LOC128462377: variants seen among roughly 807,000 people sequenced by gnomAD.
the LOC128462377 span, among the ~76,000 whole-genome samples, chr16:89,331,150 C>T: frequency 2.6e-5 from 4 of 152,144 alleles, no homozygotes; most frequent in South Asian, 2.1e-4. Flanking sequence ...GATGGGGTTT[C>T]GCCATGTTGG....
At chr16:89,393,546 G>C in the LOC128462377 span, among the ~76,000 whole-genome samples, 2 of 127,536 alleles carry the variant, frequency 1.6e-5, no homozygotes, top group Non-Finnish European at 3.2e-5. Context: ...TCACCATGTT[G>C]CCCAGGCTGG....
At chr16:89,354,866 G>C in the LOC128462377 span, among the ~76,000 whole-genome samples, 5 of 152,144 alleles carry the variant, frequency 3.3e-5, no homozygotes, top group African/African-American at 1.2e-4. Context: ...CAGCCTGGGA[G>C]ACAGAGTGAG....
chr16:89,335,088 C>T, the LOC128462377 span, among the ~76,000 whole-genome samples: 1 of 152,212 alleles, frequency 6.6e-6, no homozygotes, highest in Non-Finnish European at 1.5e-5. Flanking sequence ...ACGACTAACA[C>T]TGATTGCTGA....
At chr16:89,317,282 G>C in the LOC128462377 span, among the ~76,000 whole-genome samples, 2 of 152,232 alleles carry the variant, frequency 1.3e-5, no homozygotes, top group Non-Finnish European at 2.9e-5. Context: ...TGGCAGCTTT[G>C]AGCAGGAAGG....
At chr16:89,415,090 C>T in the LOC128462377 span, among the ~76,000 whole-genome samples, 1 of 151,858 alleles carries the variant, frequency 6.6e-6, no homozygotes, top group Non-Finnish European at 1.5e-5. Flanking sequence ...GCTGAGACCA[C>T]AGGCGCATGC....
the LOC128462377 span, among the ~76,000 whole-genome samples, chr16:89,347,233 T>C: frequency 6.6e-6 from 1 of 152,270 alleles, no homozygotes; most frequent in East Asian, 1.9e-4. Flanking sequence ...TCTGGCAGTG[T>C]AGCCTTGACA....
At chr16:89,405,629 C>G in the LOC128462377 span, among the ~76,000 whole-genome samples, 3 of 152,002 alleles carry the variant, frequency 2.0e-5, no homozygotes, top group African/African-American at 4.8e-5. Context: ...CCGCCATGCC[C>G]GGCTTTCTAG....
chr16:89,409,368 G>C, the LOC128462377 span, among the ~76,000 whole-genome samples: 7 of 152,332 alleles, frequency 4.6e-5, no homozygotes, highest in African/African-American at 1.2e-4. Flanking sequence ...AACAGGGGTG[G>C]GGTGGGAAGG....
At chr16:89,364,181 G>A in the LOC128462377 span, among the ~76,000 whole-genome samples, 7 of 152,176 alleles carry the variant, frequency 4.6e-5, no homozygotes, top group East Asian at 1.9e-4. Flanking sequence ...CTGGGCCCAC[G>A]AGGACCCTGC....
the LOC128462377 span, among the ~76,000 whole-genome samples, chr16:89,408,172 C>A: frequency 1.3e-5 from 2 of 152,174 alleles, no homozygotes; most frequent in South Asian, 2.1e-4. Context: ...CACTATGTGG[C>A]AAGCACTGGA....
the LOC128462377 span, among the ~76,000 whole-genome samples, chr16:89,343,134 GT>G: frequency 6.6e-6 from 1 of 152,174 alleles, no homozygotes; most frequent in Non-Finnish European, 1.5e-5. Context: ...GATTACAGGT[GT>G]GTGCCACCAC....
At chr16:89,365,908 T>C in the LOC128462377 span, among the ~76,000 whole-genome samples, 46 of 152,222 alleles carry the variant, frequency 3.0e-4, no homozygotes, top group East Asian at 6.6e-3. Flanking sequence ...TCCCTCTCTG[T>C]GTCCACGTGT....
the LOC128462377 span, among the ~76,000 whole-genome samples, chr16:89,335,602 CT>C: frequency 2.0e-5 from 3 of 152,166 alleles, no homozygotes; most frequent in African/African-American, 7.2e-5. Flanking sequence ...GGCAGGGAAC[CT>C]TTGGTTTGCA....
chr16:89,392,423 T>C, the LOC128462377 span: 2 of 152,176 alleles, frequency 1.3e-5, no homozygotes, highest in African/African-American at 4.8e-5. Flanking sequence ...TTTTCATGTT[T>C]TCTTACATTT....
At chr16:89,387,733 T>G in the LOC128462377 span, among the ~76,000 whole-genome samples, 2 of 145,540 alleles carry the variant, frequency 1.4e-5, no homozygotes, top group Non-Finnish European at 3.0e-5. Flanking sequence ...CCGGGCACGG[T>G]AGCTTGCGCC....
chr16:89,414,401 G>C, the LOC128462377 span, among the ~76,000 whole-genome samples: 1 of 152,188 alleles, frequency 6.6e-6, no homozygotes, highest in Non-Finnish European at 1.5e-5. Context: ...TGGGAACCGC[G>C]TGCTGGGGTC....
At chr16:89,339,826 CT>C in the LOC128462377 span, 19 of 152,326 alleles carry the variant, frequency 1.2e-4, no homozygotes, top group African/African-American at 4.6e-4. Flanking sequence ...CAGCGTCGAT[CT>C]GATTTTGGGG....
At chr16:89,368,887 A>C in the LOC128462377 span, among the ~76,000 whole-genome samples, 1 of 152,170 alleles carries the variant, frequency 6.6e-6, no homozygotes, top group Non-Finnish European at 1.5e-5. Flanking sequence ...GGGAGGAGAA[A>C]GACTCTGTTT....
At chr16:89,321,480 G>A in the LOC128462377 span, among the ~76,000 whole-genome samples, 3 of 150,878 alleles carry the variant, frequency 2.0e-5, no homozygotes, top group Non-Finnish European at 4.4e-5. Context: ...CTGTGGGGCC[G>A]GGTGGGGAGC....
Sources: gnomAD v4.1 joint callset for allele counts (sites outside exome capture counted in the v4.1 genomes callset) on GRCh38, gnomAD v4.1.1 for gene constraint, MANE v1.5 for transcripts.